GAS2L3: variants seen among roughly 807,000 people sequenced by gnomAD.
GAS2L3 encodes GAS2-like protein 3.
GAS2L3 carries 28 observed loss-of-function variants against 37.0 expected under a neutral mutation model. That is an observed-to-expected ratio of 0.76 (90% CI 0.56 to 1.04). The LOEUF (loss-of-function observed/expected upper bound fraction) is 1.04. GAS2L3 is among the 50% of genes least tolerant of loss of function. GAS2L3 has a pLI of 0.00. For synonymous variants in GAS2L3, 290 were observed against 296.6 expected, an observed-to-expected ratio of 0.98 and a Z score of 0.23; for missense variants, 793 against 817.6, an observed-to-expected ratio of 0.97 and a Z score of 0.37.
In GAS2L3 at chr12:100,627,105, A is replaced by G. The variant is rs1956340089; in HGVS notation, c.*2215A>G. Reference sequence around the variant, plus strand: ...CTCTGTCTCAAAAAAAAAAAAAAAGAAAAAGAAAAGAAAAAGGTTTATTTG... The same window carrying G: ...CTCTGTCTCAAAAAAAAAAAAAAAGGAAAAGAAAAGAAAAAGGTTTATTTG... On this transcript the variant is annotated 3_prime_UTR_variant, in exon 10 of 10. Coordinates refer to ENST00000547754, the MANE Select transcript of GAS2L3 (RefSeq NM_174942.3). 6.6e-6 allele frequency among the ~76,000 whole-genome samples: 1 copy of G among 151,234 alleles called. No homozygotes were observed. Among genetic ancestry groups the G allele is most frequent in the African/African-American group, 2.4e-5 (1 of 41,142 alleles).
rs117786369 is a variant in GAS2L3, at chr12:100,604,858, C to T, written c.303+3105C>T. ...TCAACATTAGTTGAAATGATATATA[C>T]GGTTTTTATACTTCATTCTGTTGAT... On this transcript the variant is annotated intron_variant, in intron 5 of 9. Transcript: ENST00000547754. Among the ~76,000 whole-genome samples, 247 of 151,942 alleles carry T rather than the reference C, an allele frequency of 1.6e-3. 2 individuals carry two copies. The East Asian group carries it at 0.024, about 15-fold the overall frequency.
intron 1 of GAS2L3, chr12:100,580,302 A>G (rs1404602710): frequency 2.6e-6 from 1 of 379,632 alleles, no homozygotes; most frequent in Non-Finnish European, 4.8e-6. Flanking sequence ...AGTTTTTTAT[A>G]AGTTAATTTA....
Position 100,623,901 on chromosome 12 carries a change from T to C in GAS2L3, c.1096T>C (p.Ser366Pro), listed in dbSNP as rs1956292967. ...ASSLKGGNLGSMSVRSKLPNS... is the reference protein window; with the variant it reads ...ASSLKGGNLGPMSVRSKLPNS... Reference sequence around the variant, plus strand: ...TTCACTGAAAGGAGGTAATCTGGGCTCTATGTCAGTCCGTTCTAAATTGCC... The same window carrying C: ...TTCACTGAAAGGAGGTAATCTGGGCCCTATGTCAGTCCGTTCTAAATTGCC... The change falls in exon 10 of 10, where the codon TCT (serine) becomes CCT (proline). Residue 366 changes from serine (S) to proline (P), a missense_variant. Transcript: ENST00000547754. 4 of 1,614,056 alleles carry C rather than the reference T, an allele frequency of 2.5e-6. No homozygotes were observed. Among genetic ancestry groups the C allele is most frequent in the Non-Finnish European group, 3.4e-6 (4 of 1,179,986 alleles).
rs117170603 is a variant in GAS2L3 at position 100,578,677 on chromosome 12, C to T, written c.-152+4892C>T. ...TCCAGACACAGGTGGCCATGGAACT[C>T]GCTGGTAATAGAGGACACATCTCTT... On this transcript the variant is annotated intron_variant, in intron 1 of 9. Transcript: ENST00000547754. The T allele has an allele frequency of 2.8e-3, 895 of 321,058 alleles. 8 individuals carry two copies. Among genetic ancestry groups the T allele is most frequent in the South Asian group, 0.014 (189 of 13,944 alleles). The allele number at this position is 321,058 out of a possible 1,614,324, so 19.9% of individuals were successfully genotyped here.
At chr12:100,622,749 TAAAAAAAAAAAAAAA>T in intron 9 of GAS2L3, among the ~76,000 whole-genome samples, 29 of 26,852 alleles carry the variant, frequency 1.1e-3, no homozygotes, top group South Asian at 2.9e-3. Context: ...GTATCCATAG[TAAAAAAAAAAAAAAA>T]AAAAAAAAAA....
intron 1 of GAS2L3, among the ~76,000 whole-genome samples, chr12:100,589,792 T>C (rs949094025): frequency 1.3e-5 from 2 of 152,202 alleles, no homozygotes; most frequent in Non-Finnish European, 2.9e-5. Context: ...CAAATCATCT[T>C]TGACAAAGCA....
rs780032047 is a variant in GAS2L3, at chr12:100,618,591, A to C, written c.648+4A>C. 1 of 1,604,168 alleles carries C rather than the reference A, an allele frequency of 6.2e-7. No individual in the cohort carries two copies. The highest frequency in any genetic ancestry group is 1.7e-5 in the Admixed American group (1 of 58,014). On this transcript the variant is annotated splice_donor_region_variant and intron_variant, in intron 8 of 9. Transcript: ENST00000547754. ...GCATGAAGAGCTACATGAAGCTGTA[A>C]GTAGTTGCCACACTTTCTTTTGACC...
chr12:100,598,735 G>C (rs1955945779), intron 3 of GAS2L3, among the ~76,000 whole-genome samples: 1 of 152,144 alleles, frequency 6.6e-6, no homozygotes, highest in Non-Finnish European at 1.5e-5. Flanking sequence ...AGTTCAGCCA[G>C]TAGAAGTCCC....
rs540622923 is a variant in GAS2L3 at position 100,626,051 on chromosome 12, T to A, written c.*1161T>A. ...AATGACTGCATAAACTCCATCAACCTAAGGTGATACTTGTAAATAATTTAT... is the reference window on the plus strand; with the variant it reads ...AATGACTGCATAAACTCCATCAACCAAAGGTGATACTTGTAAATAATTTAT... On this transcript the variant is annotated 3_prime_UTR_variant, in exon 10 of 10. Transcript: ENST00000547754. The A allele has an allele frequency of 1.3e-5, 2 of 152,310 alleles. No individual in the cohort carries two copies. The highest frequency in any genetic ancestry group is 2.9e-5 in the Non-Finnish European group (2 of 68,020). 9.4% of individuals were successfully genotyped at this position (152,310 alleles called of 1,614,324 possible). A position where few individuals can be genotyped will look rare whatever the true frequency, so the allele number is the denominator to read the frequency against.
intron 1 of GAS2L3, among the ~76,000 whole-genome samples, chr12:100,581,561 G>A (rs565150309): frequency 6.6e-6 from 1 of 152,206 alleles, no homozygotes; most frequent in Admixed American, 6.5e-5. Context: ...CTGTTAACTG[G>A]TTGTACTGAT....
chr12:100,580,776 C>T (rs928448047), intron 1 of GAS2L3, among the ~76,000 whole-genome samples: 1 of 152,134 alleles, frequency 6.6e-6, no homozygotes, highest in Non-Finnish European at 1.5e-5. Flanking sequence ...ATTTTGAGCA[C>T]CTGCTATATG....
intron 1 of GAS2L3, among the ~76,000 whole-genome samples, chr12:100,582,647 G>A (rs1316716979): frequency 1.3e-5 from 2 of 152,154 alleles, no homozygotes; most frequent in Non-Finnish European, 2.9e-5. Flanking sequence ...CATGCTACAT[G>A]TTCAAAAATA....
At chr12:100,583,026 C>T (rs1021126942) in intron 1 of GAS2L3, among the ~76,000 whole-genome samples, 1 of 152,192 alleles carries the variant, frequency 6.6e-6, no homozygotes. Context: ...TTTCTGCATC[C>T]CTCTTGTTTT....
At chr12:100,592,087 A>G (rs921086923) in intron 2 of GAS2L3, among the ~76,000 whole-genome samples, 1 of 152,152 alleles carries the variant, frequency 6.6e-6, no homozygotes, top group Non-Finnish European at 1.5e-5. Flanking sequence ...AGACTAGTAT[A>G]ATAACACCTT....
At chr12:100,603,337 A>G (rs753850111) in intron 5 of GAS2L3, among the ~76,000 whole-genome samples, 4 of 152,070 alleles carry the variant, frequency 2.6e-5, no homozygotes, top group Non-Finnish European at 5.9e-5. Context: ...AAGCCATTTT[A>G]ATTGGGATGA....
chr12:100,599,776 G>C (rs948897055), intron 3 of GAS2L3, among the ~76,000 whole-genome samples: 2 of 152,174 alleles, frequency 1.3e-5, no homozygotes, highest in African/African-American at 4.8e-5. Context: ...CTTACAGCTA[G>C]GATGTTAAGA....
rs775778694 is a variant in GAS2L3, at chr12:100,600,440, G to A, written c.77G>A (p.Gly26Glu). Residue 26 changes from glycine (G) to glutamate (E), a missense_variant, in exon 4 of 10, where the codon GGA (glycine) becomes GAA (glutamate). Physicochemically the swap from Gly to Glu is moderately conservative, Grantham distance 98. Coordinates refer to ENST00000547754, the MANE Select transcript of GAS2L3 (RefSeq NM_174942.3). ...CGGAGTCCTCTGACTCCCAGACACG[G>A]ACCAGGATTGGCTAATGTTTGTCAG... is the stretch of plus-strand genomic sequence containing the variant. ...SPRSPLTPRH[G>E]PGLANVCQYD... 1.2e-6 allele frequency: 2 copies of A among 1,612,896 alleles called. No individual in the cohort carries two copies. Among genetic ancestry groups the A allele is most frequent in the Non-Finnish European group, 1.7e-6 (2 of 1,179,174 alleles).
At chr12:100,614,164 G>A (rs996954339) in intron 6 of GAS2L3, among the ~76,000 whole-genome samples, 16 of 151,536 alleles carry the variant, frequency 1.1e-4, no homozygotes, top group African/African-American at 2.9e-4. Flanking sequence ...TAAAATGCAC[G>A]TAAAATTTAC....
At chr12:100,596,085 C>T (rs1000491900) in intron 3 of GAS2L3, among the ~76,000 whole-genome samples, 3 of 151,974 alleles carry the variant, frequency 2.0e-5, no homozygotes, top group Admixed American at 6.6e-5. Context: ...GCTGTAGTCT[C>T]CTACTCTACT....
Sources: allele counts gnomAD v4.1 joint callset (sites outside exome capture counted in the v4.1 genomes callset), GRCh38; gene constraint gnomAD v4.1.1; transcripts MANE v1.5; gene names NCBI Gene and HGNC (gene_info 2026-07-23, HGNC 2026-07-21).